Variants in SLC8A1 observed in about 807,000 individuals in gnomAD.
SLC8A1 encodes solute carrier family 8 member A1.
Under a neutral mutation model 68.3 loss-of-function variants are expected in SLC8A1, and 18 were observed. That is an observed-to-expected ratio of 0.26 (90% CI 0.18 to 0.39). The LOEUF (loss-of-function observed/expected upper bound fraction) is 0.39, where lower values mean the gene tolerates loss of function less well. Ranked by LOEUF, SLC8A1 falls within the 10% of genes least tolerant of loss-of-function variation. SLC8A1 has a pLI of 1.00. For synonymous variants in SLC8A1, 475 were observed against 415.5 expected (o/e 1.14, Z -1.74); for missense variants, 985 against 1,156.7 (o/e 0.85, Z 2.15).
intron 2 of SLC8A1, among the ~76,000 whole-genome samples, chr2:40,357,773 A>C (rs1396210070): frequency 6.6e-6 from 1 of 152,160 alleles, no homozygotes; most frequent in Non-Finnish European, 1.5e-5. Flanking sequence ...AAATGGATTA[A>C]AAGCCCTAGC....
At chr2:40,463,144 A>C (rs1017028573) in intron 1 of SLC8A1, among the ~76,000 whole-genome samples, 1 of 152,196 alleles carries the variant, frequency 6.6e-6, no homozygotes, top group Non-Finnish European at 1.5e-5. Context: ...TAAGAGAGAG[A>C]GCTAACCTTT....
At chr2:40,226,633 A>G (rs2059015419) in intron 2 of SLC8A1, among the ~76,000 whole-genome samples, 1 of 152,160 alleles carries the variant, frequency 6.6e-6, no homozygotes, top group Non-Finnish European at 1.5e-5. Context: ...AGAAGAGCCA[A>G]CAGTGTAGGT....
At chr2:40,348,392 C>T (rs1670000546) in intron 2 of SLC8A1, among the ~76,000 whole-genome samples, 1 of 152,160 alleles carries the variant, frequency 6.6e-6, no homozygotes, top group African/African-American at 2.4e-5. Context: ...AAGATCAGAT[C>T]TCCTATCCCA....
exon 8 of SLC8A1, chr2:40,111,039 G>A (rs1461372301): frequency 6.6e-6 from 1 of 152,100 alleles, no homozygotes; most frequent in East Asian, 1.9e-4. Flanking sequence ...TAATAGTGAG[G>A]CCACAGGGGA....
intron 2 of SLC8A1, among the ~76,000 whole-genome samples, chr2:40,383,360 T>C (rs1249136569): frequency 2.0e-5 from 3 of 152,126 alleles, no homozygotes; most frequent in Non-Finnish European, 4.4e-5. Context: ...ATTTTAGAAT[T>C]GCTCTTATCC....
intron 6 of SLC8A1, among the ~76,000 whole-genome samples, chr2:40,140,363 C>T (rs1449058618): frequency 1.3e-5 from 2 of 152,180 alleles, no homozygotes; most frequent in African/African-American, 4.8e-5. Flanking sequence ...CTTATCCTTC[C>T]TCACCCATCC....
chr2:40,158,625 C>A (rs769825982), intron 6 of SLC8A1, among the ~76,000 whole-genome samples: 1 of 152,214 alleles, frequency 6.6e-6, no homozygotes, highest in East Asian at 1.9e-4. Flanking sequence ...GGTAATGTGA[C>A]GCGGCCAGTC....
chr2:40,353,117 A>C (rs1211315070), intron 2 of SLC8A1, among the ~76,000 whole-genome samples: 1 of 152,124 alleles, frequency 6.6e-6, no homozygotes, highest in Non-Finnish European at 1.5e-5. Flanking sequence ...TGTCAACTGA[A>C]ATTACTTGGG....
At chr2:40,461,600 A>C (rs927299447) in intron 1 of SLC8A1, among the ~76,000 whole-genome samples, 3 of 152,196 alleles carry the variant, frequency 2.0e-5, no homozygotes, top group African/African-American at 7.2e-5. Flanking sequence ...CAAAGGATGG[A>C]TTTTATAAAG....
chr2:40,144,571 T>C (rs991483532), intron 6 of SLC8A1, among the ~76,000 whole-genome samples: 1 of 148,596 alleles, frequency 6.7e-6, no homozygotes, highest in Non-Finnish European at 1.5e-5. Flanking sequence ...AGTGGTACCT[T>C]TTTTTTTTTA....
At chr2:40,223,152 G>C (rs79636048) in intron 2 of SLC8A1, among the ~76,000 whole-genome samples, 19,460 of 152,188 alleles carry the variant, frequency 0.13, 1,336 homozygotes, top group Non-Finnish European at 0.14. Flanking sequence ...TAAAGAAAAT[G>C]TGGCACATAT....
At chr2:40,429,301 G>C (rs1472277480) in exon 2 of SLC8A1, 1 of 1,613,866 alleles carries the variant, frequency 6.2e-7, no homozygotes, top group Admixed American at 1.7e-5. Context: ...CAGAATCCTA[G>C]CCATTTCTCG....
chr2:40,279,133 T>C (rs901164981), intron 2 of SLC8A1, among the ~76,000 whole-genome samples: 6 of 151,996 alleles, frequency 3.9e-5, no homozygotes, highest in African/African-American at 1.5e-4. Context: ...TATTTATGAG[T>C]AGTTTACAGC....
chr2:40,432,949 A>C (rs1698659340), intron 1 of SLC8A1, among the ~76,000 whole-genome samples: 1 of 152,130 alleles, frequency 6.6e-6, no homozygotes, highest in Non-Finnish European at 1.5e-5. Flanking sequence ...AAAATGGTGA[A>C]AGAAATGTCT....
intron 2 of SLC8A1, among the ~76,000 whole-genome samples, chr2:40,407,476 T>C (rs1403062055): frequency 6.6e-6 from 1 of 152,206 alleles, no homozygotes; most frequent in Non-Finnish European, 1.5e-5. Context: ...TTTTTATTGG[T>C]AGTTTTCTGT....
At chr2:40,308,655 T>C (rs1235970030) in intron 2 of SLC8A1, among the ~76,000 whole-genome samples, 1 of 146,038 alleles carries the variant, frequency 6.8e-6, no homozygotes, top group Non-Finnish European at 1.5e-5. Flanking sequence ...GAAAAAAAAA[T>C]CAAACAAAAT....
At chr2:40,440,206 C>A (rs981478017) in intron 1 of SLC8A1, among the ~76,000 whole-genome samples, 1 of 151,912 alleles carries the variant, frequency 6.6e-6, no homozygotes, top group African/African-American at 2.4e-5. Context: ...TTAAAATTGG[C>A]TTAAGTGGTA....
At chr2:40,145,219 A>G (rs983669879) in intron 6 of SLC8A1, among the ~76,000 whole-genome samples, 5 of 152,190 alleles carry the variant, frequency 3.3e-5, no homozygotes, top group African/African-American at 1.2e-4. Flanking sequence ...TTCACTTAGC[A>G]TAATGTCTTC....
chr2:40,154,277 TTTTAA>T (rs1236182157), intron 6 of SLC8A1, among the ~76,000 whole-genome samples: 1 of 150,482 alleles, frequency 6.6e-6, no homozygotes, highest in African/African-American at 2.4e-5. Context: ...GGGCCACAAT[TTTTAA>T]TTTATTTTTA....
Sources: gnomAD v4.1 joint callset for allele counts (sites outside exome capture counted in the v4.1 genomes callset) on GRCh38, gnomAD v4.1.1 for gene constraint, MANE v1.5 for transcripts, NCBI Gene and HGNC (gene_info 2026-07-23, HGNC 2026-07-21) for gene names.